The following ABI3BP variants were observed in gnomAD, a reference collection of about 807,000 sequenced individuals.
ABI3BP encodes the protein target of Nesh-SH3.
In ABI3BP, 216 loss-of-function variants were observed where a neutral mutation model predicts 268.6. That is an observed-to-expected ratio of 0.80 (90% CI 0.72 to 0.90). The LOEUF (loss-of-function observed/expected upper bound fraction) is 0.90, where lower values mean the gene tolerates loss of function less well. ABI3BP is among the 40% of genes least tolerant of loss of function. The pLI, the probability that ABI3BP is intolerant of heterozygous loss-of-function variation, is 0.00. For missense variants in ABI3BP, 2,090 were observed against 2,182.4 expected, an observed-to-expected ratio of 0.96 and a Z score of 0.84; for synonymous variants, 730 against 730.0, an observed-to-expected ratio of 1.00 and a Z score of 0.00.
At chr3:100,787,357 A>G (rs968213637) in intron 57 of ABI3BP, among the ~76,000 whole-genome samples, 2 of 152,172 alleles carry the variant, frequency 1.3e-5, no homozygotes, top group Admixed American at 6.6e-5. Flanking sequence ...TACTTGGTAA[A>G]TTATAAACTT....
chr3:100,786,971 G>A (rs979681449), intron 57 of ABI3BP, among the ~76,000 whole-genome samples: 12 of 152,090 alleles, frequency 7.9e-5, no homozygotes, highest in East Asian at 5.8e-4. Flanking sequence ...TTAGAGAACC[G>A]TCATGGGTTC....
intron 51 of ABI3BP, among the ~76,000 whole-genome samples, chr3:100,804,228 A>C (rs1028895287): frequency 1.3e-5 from 2 of 152,208 alleles, no homozygotes; most frequent in Admixed American, 6.6e-5. Flanking sequence ...ATATGTGAAC[A>C]AAAGGCCTTC....
At chr3:100,753,015 T>TA in intron 65 of ABI3BP, 67 bp from the exon 66 acceptor site, 1 of 1,471,770 alleles carries the variant, frequency 6.8e-7, no homozygotes, top group Non-Finnish European at 9.1e-7. Flanking sequence ...GAAATCAGTT[T>TA]ACAAAATTTG....
intron 3 of ABI3BP, among the ~76,000 whole-genome samples, chr3:100,902,166 A>G (rs977086579): frequency 3.3e-5 from 5 of 152,354 alleles, no homozygotes; most frequent in African/African-American, 1.2e-4. Context: ...TTTAAAATGT[A>G]AACAGTCTCC....
At chr3:100,958,249 T>C (rs1372659416) in intron 1 of ABI3BP, among the ~76,000 whole-genome samples, 1 of 152,128 alleles carries the variant, frequency 6.6e-6, no homozygotes, top group Non-Finnish European at 1.5e-5. Flanking sequence ...ATGTGGCTGG[T>C]GCTAAAAACA....
rs201099651 is a variant in ABI3BP, at chr3:100,872,002, A to AT, written c.910+2838dup. On this transcript the variant is annotated intron_variant, in intron 9 of 67. Transcript: ENST00000471714. ...CAGGCATGTACCATCATGCCTGGCTATTTTTTTATTTTAATATTTTTTGTA... is the reference window on the plus strand; with the variant it reads ...CAGGCATGTACCATCATGCCTGGCTATTTTTTTTATTTTAATATTTTTTGTA... Among the ~76,000 whole-genome samples, 1,316 of 152,036 alleles carry AT rather than the reference A, an allele frequency of 8.7e-3. 29 individuals are homozygous for AT. Among genetic ancestry groups the AT allele is most frequent in the African/African-American group, 0.03 (1,254 of 41,472 alleles).
chr3:100,923,714 T>C (rs1266992115), intron 2 of ABI3BP, among the ~76,000 whole-genome samples: 5 of 151,930 alleles, frequency 3.3e-5, no homozygotes, highest in South Asian at 2.1e-4. Flanking sequence ...ATATGGAAAA[T>C]TAAAAAGCAG....
At chr3:100,853,115 A>T (rs959182677) in intron 14 of ABI3BP, among the ~76,000 whole-genome samples, 8 of 152,342 alleles carry the variant, frequency 5.3e-5, no homozygotes, top group Admixed American at 3.3e-4. Flanking sequence ...GTATCAGACC[A>T]TGTGACATCC....
At position 100,926,497 on chromosome 3, in the gene ABI3BP, A is replaced by T; in HGVS notation, c.80-16T>A. On this transcript the variant is annotated splice_polypyrimidine_tract_variant and intron_variant, in intron 1 of 67. Coordinates refer to ENST00000471714, the MANE Select transcript of ABI3BP (RefSeq NM_001375547.2). ...GGCCTTTTACCTAACAATGGGAATG[A>T]AAACATCGATGGCTGTTACTTCCCC... 2 of 1,608,490 alleles carry T rather than the reference A, an allele frequency of 1.2e-6. No homozygotes were observed. Among genetic ancestry groups the T allele is most frequent in the Non-Finnish European group, 1.7e-6 (2 of 1,175,376 alleles).
At chr3:100,901,535 G>C (rs141524809) in intron 3 of ABI3BP, among the ~76,000 whole-genome samples, 152 of 152,230 alleles carry the variant, frequency 1.0e-3, no homozygotes, top group African/African-American at 3.6e-3. Context: ...AGAGCGAGGT[G>C]GGGGTGGATC....
chr3:100,838,192 A>G lies in ABI3BP; in HGVS notation c.2083+18T>C. On this transcript the variant is annotated intron_variant, in intron 26 of 67. Coordinates refer to ENST00000471714, the MANE Select transcript of ABI3BP (RefSeq NM_001375547.2). ...AAAGAAAATCCTGTTAAGCTAAAGC[A>G]CTGGAAATTATGTTTACCGGATTTA... 2 of 1,528,062 alleles carry G rather than the reference A, an allele frequency of 1.3e-6. No individual in the cohort carries two copies. Among genetic ancestry groups the G allele is most frequent in the South Asian group, 1.2e-5 (1 of 83,816 alleles). The allele number at this position is 1,528,062 out of a possible 1,614,324, so 94.7% of individuals were successfully genotyped here.
At chr3:100,810,092 TA>T (rs1323468058) in intron 49 of ABI3BP, among the ~76,000 whole-genome samples, 1 of 152,082 alleles carries the variant, frequency 6.6e-6, no homozygotes, top group Non-Finnish European at 1.5e-5. Flanking sequence ...CTTGTAAAAC[TA>T]GTTGAGATGA....
chr3:100,930,291 A>G (rs546449003), intron 1 of ABI3BP, among the ~76,000 whole-genome samples: 1 of 152,132 alleles, frequency 6.6e-6, no homozygotes, highest in East Asian at 1.9e-4. Context: ...AACAAAGCAT[A>G]TGTCAACAGG....
chr3:100,966,932 T>C (rs977639834), intron 1 of ABI3BP, among the ~76,000 whole-genome samples: 4 of 152,120 alleles, frequency 2.6e-5, no homozygotes, highest in African/African-American at 9.7e-5. Flanking sequence ...GCGCTAGAAT[T>C]TGTAAGGCTT....
chr3:100,756,759 T>C (rs2095639504), intron 63 of ABI3BP, among the ~76,000 whole-genome samples: 1 of 143,444 alleles, frequency 7.0e-6, no homozygotes, highest in Non-Finnish European at 1.5e-5. Context: ...ATGCCACATA[T>C]ACAAGCTACT....
At chr3:100,834,543 A>C in intron 29 of ABI3BP, 141 bp downstream of exon 29, 1 of 678,306 alleles carries the variant, frequency 1.5e-6, no homozygotes, top group Non-Finnish European at 2.5e-6. Flanking sequence ...TCGCCAGAGC[A>C]CTGTGTTGGT....
intron 29 of ABI3BP, among the ~76,000 whole-genome samples, chr3:100,833,622 A>G (rs917657152): frequency 2.0e-5 from 3 of 152,196 alleles, no homozygotes; most frequent in East Asian, 1.9e-4. Context: ...GAAAAAGACC[A>G]AGACCTCTGT....
intron 53 of ABI3BP, among the ~76,000 whole-genome samples, chr3:100,795,492 A>G (rs1268146805): frequency 6.6e-6 from 1 of 152,064 alleles, no homozygotes; most frequent in African/African-American, 2.4e-5. Context: ...GTTACATTAC[A>G]GCTGAGAACC....
rs1368432059 is a variant in ABI3BP, at chr3:100,862,919, A to G, written c.1139-10T>C. 6.5e-5 allele frequency: 99 copies of G among 1,532,250 alleles called. No individual in the cohort carries two copies. Among genetic ancestry groups the G allele is most frequent in the Non-Finnish European group, 8.7e-5 (99 of 1,144,046 alleles). 94.9% of individuals were successfully genotyped at this position (1,532,250 alleles called of 1,614,324 possible). A position where few individuals can be genotyped will look rare whatever the true frequency, so the allele number is the denominator to read the frequency against. ...GGAAGGCTTTTTGGAGCTGTAATGA[A>G]ACACATAAAGAAAGTTACGACCTGA... On this transcript the variant is annotated splice_polypyrimidine_tract_variant and intron_variant, in intron 12 of 67. Coordinates refer to ENST00000471714, the MANE Select transcript of ABI3BP (RefSeq NM_001375547.2).
Sources: allele counts gnomAD v4.1 joint callset (sites outside exome capture counted in the v4.1 genomes callset), GRCh38; gene constraint gnomAD v4.1.1; transcripts MANE v1.5; gene names NCBI Gene and HGNC (gene_info 2026-07-23, HGNC 2026-07-21).